EXT2: variants seen among roughly 807,000 people sequenced by gnomAD.
The protein encoded by EXT2 is exostosin-2.
A neutral mutation model predicts 81.6 loss-of-function variants in EXT2; 53 were observed. The ratio of observed to expected loss-of-function variants is 0.65; its 90% CI spans 0.52 to 0.82. The LOEUF is 0.82. Among genes scored for constraint, EXT2 ranks in the 40% least tolerant of loss-of-function variants. EXT2 has a pLI of 0.00. For synonymous variants in EXT2, 320 were observed against 340.0 expected (o/e 0.94, Z 0.65); for missense variants, 774 against 910.2 (o/e 0.85, Z 1.93).
At chr11:44,144,159 C>T (rs1025863497) in intron 7 of EXT2, 60 of 1,122,694 alleles carry the variant, frequency 5.3e-5, no homozygotes, top group Non-Finnish European at 7.9e-5. Context: ...CAGGCAGATT[C>T]CTTTATAGCT....
chr11:44,105,193 C>T (rs774591654), intron 1 of EXT2, among the ~76,000 whole-genome samples: 62 of 152,344 alleles, frequency 4.1e-4, no homozygotes, highest in Admixed American at 9.1e-4. Context: ...TGGTTGATAA[C>T]TCTAAGATGG....
intron 1 of EXT2, among the ~76,000 whole-genome samples, chr11:44,107,077 C>T (rs537582952): frequency 6.6e-6 from 1 of 152,160 alleles, no homozygotes; most frequent in African/African-American, 2.4e-5. Context: ...CCCAGAGTCC[C>T]ACATTTGCCA....
intron 8 of EXT2, among the ~76,000 whole-genome samples, chr11:44,190,224 G>T (rs1447922939): frequency 6.6e-6 from 1 of 152,200 alleles, no homozygotes; most frequent in Non-Finnish European, 1.5e-5. Context: ...GAGGCATGAT[G>T]AAATACTTTT....
In EXT2 at chr11:44,108,135, C is replaced by T. The variant is rs199916419; in HGVS notation, c.423C>T (p.Asp141=). The part of the protein sequence containing the change: ...NELLMAISDS[D]YYTDDINRAC... ...TGCTCATGGCCATCTCAGACAGTGACTACTACACTGATGACATCAACCGGG... is the reference window on the plus strand; with the variant it reads ...TGCTCATGGCCATCTCAGACAGTGATTACTACACTGATGACATCAACCGGG... The change falls in exon 2 of 14, where the codon GAC becomes GAT. Residue 141 remains aspartate, a synonymous_variant. Coordinates refer to ENST00000533608, the MANE Select transcript of EXT2 (RefSeq NM_207122.2). 1.9e-6 allele frequency: 3 copies of T among 1,614,188 alleles called. No homozygotes were observed. Among genetic ancestry groups the T allele is most frequent in the Admixed American group, 1.7e-5 (1 of 60,022 alleles).
intron 8 of EXT2, among the ~76,000 whole-genome samples, chr11:44,174,862 G>A (rs1955135431): frequency 6.6e-6 from 1 of 152,188 alleles, no homozygotes; most frequent in Admixed American, 6.5e-5. Flanking sequence ...AAGATACAGA[G>A]GGACAGGGGA....
intron 5 of EXT2, 73 bp from the exon 6 acceptor site, chr11:44,126,743 T>C: frequency 6.3e-7 from 1 of 1,596,180 alleles, no homozygotes; most frequent in Non-Finnish European, 8.6e-7. Flanking sequence ...AGAAACTTTG[T>C]GGTCTGTAGG....
chr11:44,121,460 CTCTT>C (rs1350065123), intron 4 of EXT2, among the ~76,000 whole-genome samples: 3 of 152,162 alleles, frequency 2.0e-5, no homozygotes, highest in Non-Finnish European at 4.4e-5. Flanking sequence ...CTGGTTTTCT[CTCTT>C]TCCATATTTG....
intron 10 of EXT2, among the ~76,000 whole-genome samples, chr11:44,231,161 A>T (rs1462037252): frequency 6.6e-6 from 1 of 152,192 alleles, no homozygotes; most frequent in Non-Finnish European, 1.5e-5. Context: ...TTAGAAGGCT[A>T]GCACAGTAAT....
rs183568432 is a variant in EXT2, at chr11:44,242,731, T to C, written c.2019-1418T>C. On this transcript the variant is annotated intron_variant, in intron 13 of 13. Coordinates refer to ENST00000533608, the MANE Select transcript of EXT2 (RefSeq NM_207122.2). ...TCACATAATAGGTGCTCAGCAGTTG[T>C]TAATTTCCAGTCCCCTTCATTGGAC... is the stretch of plus-strand genomic sequence containing the variant. Among the ~76,000 whole-genome samples, 96 of 152,352 alleles carry C rather than the reference T, an allele frequency of 6.3e-4. No individual in the cohort carries two copies. The Middle Eastern group carries it at 0.01, about 16-fold the overall frequency.
At chr11:44,168,610 T>A (rs966057280) in intron 7 of EXT2, among the ~76,000 whole-genome samples, 1 of 152,170 alleles carries the variant, frequency 6.6e-6, no homozygotes, top group African/African-American at 2.4e-5. Flanking sequence ...AAGCATATTG[T>A]CTTCAAAGGT....
At chr11:44,156,220 A>G (rs969075623) in intron 7 of EXT2, among the ~76,000 whole-genome samples, 1 of 152,080 alleles carries the variant, frequency 6.6e-6, no homozygotes, top group African/African-American at 2.4e-5. Context: ...TTGGGGTTCA[A>G]TCTGCTTGGT....
At chr11:44,119,661 A>AT (rs1228968227) in intron 4 of EXT2, among the ~76,000 whole-genome samples, 1 of 152,206 alleles carries the variant, frequency 6.6e-6, no homozygotes, top group Non-Finnish European at 1.5e-5. Context: ...AGTTCCAGGG[A>AT]TGATGGGAAC....
At chr11:44,207,780 G>C (rs1955600993) in intron 10 of EXT2, among the ~76,000 whole-genome samples, 1 of 152,080 alleles carries the variant, frequency 6.6e-6, no homozygotes, top group Admixed American at 6.5e-5. Flanking sequence ...GCTATATTTA[G>C]TACATGTATT....
chr11:44,144,766 T>A (rs1195672561), intron 7 of EXT2, among the ~76,000 whole-genome samples: 1 of 152,220 alleles, frequency 6.6e-6, no homozygotes, highest in Non-Finnish European at 1.5e-5. Flanking sequence ...CAGGAGGTCA[T>A]AACATGGGAG....
Position 44,220,915 on chromosome 11 carries a change from G to C in EXT2, c.1663-11438G>C, listed in dbSNP as rs981204711. Among the ~76,000 whole-genome samples the C allele has an allele frequency of 1.3e-5, 2 of 152,160 alleles. No homozygotes were observed. The highest frequency in any genetic ancestry group is 4.8e-5 in the African/African-American group (2 of 41,430). ...CCATTGGAGAACAAGTCAAACAAAT[G>C]TTAAGGGAAGGAAATCAAATATGTT... On this transcript the variant is annotated intron_variant, in intron 10 of 13. Transcript: ENST00000533608. This position sits in a 1 kb window ranked among gnomAD's most constrained non-coding sequence, Gnocchi z 4.4.
intron 10 of EXT2, among the ~76,000 whole-genome samples, chr11:44,209,052 A>G (rs1955616963): frequency 6.6e-6 from 1 of 152,200 alleles, no homozygotes; most frequent in African/African-American, 2.4e-5. Context: ...CCAATTTATG[A>G]TGATTGACAG....
At chr11:44,187,831 CT>C (rs1565227298) in intron 8 of EXT2, among the ~76,000 whole-genome samples, 1 of 152,092 alleles carries the variant, frequency 6.6e-6, no homozygotes, top group Non-Finnish European at 1.5e-5. Flanking sequence ...CTGATCACCT[CT>C]TTTTTTAAAT....
At chr11:44,209,929 C>A (rs1955627563) in intron 10 of EXT2, among the ~76,000 whole-genome samples, 11 of 152,212 alleles carry the variant, frequency 7.2e-5, no homozygotes, top group Admixed American at 7.2e-4. Context: ...TAACCCAGTT[C>A]ATTGCATTCA....
chr11:44,186,732 T>C (rs976350559), intron 8 of EXT2, among the ~76,000 whole-genome samples: 17 of 152,294 alleles, frequency 1.1e-4, no homozygotes, highest in Admixed American at 9.8e-4. Context: ...TTTCAATCCC[T>C]TTTTTCTTGA....
Sources: allele counts gnomAD v4.1 joint callset (sites outside exome capture counted in the v4.1 genomes callset), GRCh38; gene constraint gnomAD v4.1.1; non-coding constraint Gnocchi (gnomAD v3.1); transcripts MANE v1.5; gene names NCBI Gene and HGNC (gene_info 2026-07-23, HGNC 2026-07-21).